The following DLGAP2 variants were observed in gnomAD, a reference collection of about 807,000 sequenced individuals.
DLGAP2 encodes disks large-associated protein 2.
A neutral mutation model predicts 100.3 loss-of-function variants in DLGAP2; 26 were observed. The observed-to-expected ratio is 0.26, with a 90% CI of 0.19 to 0.36. DLGAP2 has a LOEUF of 0.36. Among genes scored for constraint, DLGAP2 ranks in the 10% least tolerant of loss-of-function variants. DLGAP2 has a pLI of 1.00. For synonymous variants in DLGAP2, 886 were observed against 630.1 expected (o/e 1.41, Z -6.08); for missense variants, 1,858 against 1,453.2 (o/e 1.28, Z -4.53).
chr8:899,919 T>C (rs1043610164), intron 1 of DLGAP2, among the ~76,000 whole-genome samples: 3 of 152,134 alleles, frequency 2.0e-5, no homozygotes, highest in Admixed American at 1.3e-4. Flanking sequence ...CCGTGGGACA[T>C]GCACCCTCCC....
chr8:1,161,123 T>A (rs1157584044), intron 2 of DLGAP2, among the ~76,000 whole-genome samples: 8 of 152,164 alleles, frequency 5.3e-5, no homozygotes, highest in Admixed American at 5.2e-4. Flanking sequence ...TTATCAGCAG[T>A]GAGGAATAGA....
intron 3 of DLGAP2, among the ~76,000 whole-genome samples, chr8:1,498,601 C>G (rs781659397): frequency 6.6e-6 from 1 of 152,168 alleles, no homozygotes; most frequent in East Asian, 1.9e-4. Flanking sequence ...CTCACTGTGT[C>G]TGTGCAGCCG....
intron 2 of DLGAP2, among the ~76,000 whole-genome samples, chr8:924,744 G>C (rs1157274744): frequency 1.3e-5 from 2 of 151,894 alleles, no homozygotes; most frequent in Non-Finnish European, 2.9e-5. Flanking sequence ...CACCATGCCT[G>C]GCTATTTTTT....
chr8:839,480 A>G (rs759384609), intron 1 of DLGAP2, among the ~76,000 whole-genome samples: 6 of 152,232 alleles, frequency 3.9e-5, no homozygotes, highest in Non-Finnish European at 5.9e-5. Context: ...GCGCAGAAAG[A>G]CAAATGCCAC....
intron 2 of DLGAP2, among the ~76,000 whole-genome samples, chr8:940,471 T>G (rs1799170234): frequency 6.6e-6 from 1 of 152,066 alleles, no homozygotes. Flanking sequence ...ATTCTTCATC[T>G]GAAATGTGGG....
chr8:1,652,288 A>G (rs895615098), intron 8 of DLGAP2, among the ~76,000 whole-genome samples: 1 of 152,094 alleles, frequency 6.6e-6, no homozygotes, highest in Non-Finnish European at 1.5e-5. Flanking sequence ...TGTTATGTAT[A>G]TTTTAGTAAT....
intron 6 of DLGAP2, among the ~76,000 whole-genome samples, chr8:1,598,738 A>G (rs1584974400): frequency 6.6e-6 from 1 of 151,650 alleles, no homozygotes; most frequent in Non-Finnish European, 1.5e-5. Context: ...TATTGTGTCT[A>G]TTTGATTGTT....
chr8:1,227,369 C>G (rs1256164409), intron 2 of DLGAP2, among the ~76,000 whole-genome samples: 2 of 150,604 alleles, frequency 1.3e-5, no homozygotes, highest in Non-Finnish European at 2.9e-5. Flanking sequence ...AATAGCAACT[C>G]TTCCACTTGT....
At chr8:1,202,941 C>A (rs187154135) in intron 2 of DLGAP2, among the ~76,000 whole-genome samples, 1 of 152,336 alleles carries the variant, frequency 6.6e-6, no homozygotes, top group South Asian at 2.1e-4. Flanking sequence ...TGAGCACATG[C>A]GCTCCCGAGA....
At chr8:1,190,316 C>A (rs1268713465) in intron 2 of DLGAP2, among the ~76,000 whole-genome samples, 1 of 152,188 alleles carries the variant, frequency 6.6e-6, no homozygotes, top group African/African-American at 2.4e-5. Context: ...TTGCCTTTCA[C>A]GTGGCTCGGT....
chr8:1,151,694 G>T (rs753878239), intron 2 of DLGAP2, among the ~76,000 whole-genome samples: 1 of 152,200 alleles, frequency 6.6e-6, no homozygotes, highest in East Asian at 1.9e-4. Context: ...AGCTCAAAGC[G>T]GTGCTTAGGC....
chr8:1,512,462 G>C (rs1055614979), intron 4 of DLGAP2, among the ~76,000 whole-genome samples: 1 of 152,140 alleles, frequency 6.6e-6, no homozygotes, highest in African/African-American at 2.4e-5. Flanking sequence ...GTTCCGCACT[G>C]ACCTCGGTGC....
At chr8:981,313 A>G (rs1471409996) in intron 2 of DLGAP2, among the ~76,000 whole-genome samples, 3 of 152,058 alleles carry the variant, frequency 2.0e-5, no homozygotes, top group Non-Finnish European at 4.4e-5. Context: ...CTGTTGATCC[A>G]TGTACCTGCT....
intron 6 of DLGAP2, among the ~76,000 whole-genome samples, chr8:1,618,937 C>T (rs1037235936): frequency 1.3e-5 from 2 of 152,138 alleles, no homozygotes; most frequent in African/African-American, 4.8e-5. Context: ...CACCAGATGT[C>T]CCTTGAGGGC....
chr8:1,425,135 A>C (rs976406788), intron 3 of DLGAP2, among the ~76,000 whole-genome samples: 2 of 152,242 alleles, frequency 1.3e-5, no homozygotes, highest in African/African-American at 4.8e-5. Flanking sequence ...ATATTTCAGC[A>C]CTGGGTGATA....
intron 2 of DLGAP2, among the ~76,000 whole-genome samples, chr8:1,231,372 C>T (rs1450541719): frequency 1.3e-5 from 2 of 152,166 alleles, no homozygotes; most frequent in East Asian, 3.9e-4. Flanking sequence ...AAAGGGAATG[C>T]TTATATCCTG....
At chr8:1,532,267 G>A (rs1048125385) in intron 4 of DLGAP2, among the ~76,000 whole-genome samples, 1 of 152,140 alleles carries the variant, frequency 6.6e-6, no homozygotes, top group Non-Finnish European at 1.5e-5. Context: ...CGCACTCTTT[G>A]TGGAAACCTC....
chr8:1,081,955 C>A (rs948489124), intron 2 of DLGAP2, among the ~76,000 whole-genome samples: 5 of 152,114 alleles, frequency 3.3e-5, no homozygotes, highest in African/African-American at 1.2e-4. Flanking sequence ...CCCCTAAGTT[C>A]TAGATTAAAT....
chr8:1,061,574 G>A (rs1042417606), intron 2 of DLGAP2, among the ~76,000 whole-genome samples: 1 of 149,504 alleles, frequency 6.7e-6, no homozygotes, highest in African/African-American at 2.5e-5. Context: ...GGGTGGAGCA[G>A]AGCTGGAGTC....
Sources: gnomAD v4.1 joint callset for allele counts (sites outside exome capture counted in the v4.1 genomes callset) on GRCh38, gnomAD v4.1.1 for gene constraint, MANE v1.5 for transcripts, NCBI Gene and HGNC (gene_info 2026-07-23, HGNC 2026-07-21) for gene names.